Variants in ATP11A observed in about 807,000 individuals in gnomAD.
ATP11A encodes the protein phospholipid-transporting ATPase IH.
Under a neutral mutation model 154.4 loss-of-function variants are expected in ATP11A, and 81 were observed. The ratio of observed to expected loss-of-function variants is 0.52; its 90% CI spans 0.44 to 0.63. ATP11A has a LOEUF of 0.63. Among genes scored for constraint, ATP11A ranks in the 30% least tolerant of loss-of-function variants. ATP11A has a pLI of 0.00. For missense variants in ATP11A, 1,316 were observed against 1,474.3 expected (o/e 0.89, Z 1.76); for synonymous variants, 623 against 585.9 (o/e 1.06, Z -0.91).
intron 1 of ATP11A, among the ~76,000 whole-genome samples, chr13:112,693,953 A>C (rs2139446256): frequency 6.6e-6 from 1 of 152,336 alleles, no homozygotes; most frequent in South Asian, 2.1e-4. Context: ...ACTCGTCTCA[A>C]AATAAATAAG....
At chr13:112,756,179 C>A (rs9604421) in intron 1 of ATP11A, among the ~76,000 whole-genome samples, 3 of 151,970 alleles carry the variant, frequency 2.0e-5, no homozygotes, top group African/African-American at 7.3e-5. Context: ...AACTACAAAG[C>A]CAAAACCAAA....
chr13:112,831,717 A>G (rs926915567), intron 13 of ATP11A, among the ~76,000 whole-genome samples, 169 bp downstream of exon 13: 9 of 152,254 alleles, frequency 5.9e-5, no homozygotes, highest in African/African-American at 2.2e-4. Context: ...GTTAGGACAC[A>G]TCTGCTCAGT....
At chr13:112,803,876 T>TTCCTTCCC (rs1358955287) in intron 2 of ATP11A, among the ~76,000 whole-genome samples, 10 of 67,844 alleles carry the variant, frequency 1.5e-4, no homozygotes, top group Non-Finnish European at 2.4e-4. Flanking sequence ...CTTGCTTCCC[T>TTCCTTCCC]TCCTTCCCTC....
At position 112,842,369 on chromosome 13, in the gene ATP11A, G is replaced by C; in HGVS notation, c.1799G>C (p.Arg600Pro). 1 of 1,604,282 alleles carries C rather than the reference G, an allele frequency of 6.2e-7. No individual in the cohort carries two copies. Among genetic ancestry groups the C allele is most frequent in the Non-Finnish European group, 8.5e-7 (1 of 1,174,824 alleles). Residue 600 changes from arginine to proline, a missense_variant, in exon 17 of 30, where the codon CGT (arginine) becomes CCT (proline). Physicochemically the swap from Arg to Pro is moderately radical, Grantham distance 103. Transcript: ENST00000375645. ...KVDQIRARVERNAVEGLRTLC... is the reference protein window; with the variant it reads ...KVDQIRARVEPNAVEGLRTLC... ...GACCAGATCCGAGCCAGAGTGGAGCGTAACGCAGTGGTGAGAGCCGGGCTG... is the reference window on the plus strand; with the variant it reads ...GACCAGATCCGAGCCAGAGTGGAGCCTAACGCAGTGGTGAGAGCCGGGCTG...
chr13:112,714,457 C>G (rs1888196339), intron 1 of ATP11A, among the ~76,000 whole-genome samples: 1 of 152,136 alleles, frequency 6.6e-6, no homozygotes, highest in African/African-American at 2.4e-5. Flanking sequence ...ACAGCCCTTC[C>G]CCTTCCCTTT....
chr13:112,819,493 T>C, intron 7 of ATP11A, 86 bp downstream of exon 7: 1 of 1,131,828 alleles, frequency 8.8e-7, no homozygotes, highest in Non-Finnish European at 1.3e-6. Context: ...AGTCCAGCCA[T>C]GTGGTGGTTT....
chr13:112,839,743 G>A (rs2079342030), intron 16 of ATP11A, among the ~76,000 whole-genome samples: 1 of 152,174 alleles, frequency 6.6e-6, no homozygotes, highest in African/African-American at 2.4e-5. Flanking sequence ...GGCTGAAGGT[G>A]TCCTGTGTCT....
At chr13:112,852,388 G>A (rs1039422890) in intron 18 of ATP11A, among the ~76,000 whole-genome samples, 9 of 152,208 alleles carry the variant, frequency 5.9e-5, no homozygotes, top group Admixed American at 1.3e-4. Flanking sequence ...AGTATTAGGC[G>A]AAGTGGGAAG....
At chr13:112,714,324 G>T (rs993697184) in intron 1 of ATP11A, among the ~76,000 whole-genome samples, 2 of 152,012 alleles carry the variant, frequency 1.3e-5, no homozygotes, top group African/African-American at 4.8e-5. Context: ...CTGGTCTGGG[G>T]TGTTCCGCTG....
At chr13:112,752,811 T>C (rs2076726536) in intron 1 of ATP11A, among the ~76,000 whole-genome samples, 1 of 152,166 alleles carries the variant, frequency 6.6e-6, no homozygotes, top group Non-Finnish European at 1.5e-5. Flanking sequence ...CTAAAGAGAA[T>C]GTAGTTGTCA....
rs1418700899 is a variant in ATP11A, at chr13:112,867,263, T to C, written c.2992-4472T>C. 3.9e-5 allele frequency among the ~76,000 whole-genome samples: 6 copies of C among 152,364 alleles called. No homozygotes were observed. In the East Asian group the frequency reaches 9.6e-4, roughly 24 times the overall value. On this transcript the variant is annotated intron_variant, in intron 25 of 29. Coordinates refer to ENST00000375645, the MANE Select transcript of ATP11A (RefSeq NM_015205.3). ...TGAGGAAAGAGAAGTTCGGACAGACTAGACACCCTGTGCGGTGTCAGCTCC... is the reference window on the plus strand; with the variant it reads ...TGAGGAAAGAGAAGTTCGGACAGACCAGACACCCTGTGCGGTGTCAGCTCC...
In ATP11A at chr13:112,872,885, C is replaced by T. The variant is rs61961592; in HGVS notation, c.3058-688C>T. Among the ~76,000 whole-genome samples, 789 of 79,876 alleles carry T rather than the reference C, an allele frequency of 9.9e-3. 127 individuals carry two copies. The highest frequency in any genetic ancestry group is 0.037 in the African/African-American group (770 of 20,962). 52.4% of individuals were successfully genotyped at this position (79,876 alleles called of 152,430 possible). On this transcript the variant is annotated intron_variant, in intron 26 of 29. Transcript: ENST00000375645. The stretch of plus-strand genomic sequence containing the variant: ...CAGTGTGAGCTGTGGCTTTGTCTCC[C>T]GAACGGTGTGAGGTGTGGCTTTGTC...
At chr13:112,820,510 G>A (rs2078770393) in intron 8 of ATP11A, among the ~76,000 whole-genome samples, 3 of 152,128 alleles carry the variant, frequency 2.0e-5, no homozygotes, top group Admixed American at 6.5e-5. Context: ...TGGACCCAGC[G>A]GCAGTCACAT....
At position 112,785,311 on chromosome 13, in the gene ATP11A, G is replaced by T. The variant is rs546993460; in HGVS notation, c.162+54G>T. ...AATGTGTCTAAAAAGCAGCTGCCGG[G>T]GGGTGTTAGTGCTTCTCGGTTTCAA... On this transcript the variant is annotated intron_variant, in intron 2 of 29. Coordinates refer to ENST00000375645, the MANE Select transcript of ATP11A (RefSeq NM_015205.3). This position sits in a 1 kb window ranked among gnomAD's most constrained non-coding sequence, Gnocchi z 4.8. 58 of 1,378,302 alleles carry T rather than the reference G, an allele frequency of 4.2e-5. No homozygotes were observed. The highest frequency in any genetic ancestry group is 4.2e-4 in the African/African-American group (28 of 66,914). The allele number at this position is 1,378,302 out of a possible 1,614,324, so 85.4% of individuals were successfully genotyped here.
chr13:112,867,350 T>C (rs992431209), intron 25 of ATP11A, among the ~76,000 whole-genome samples: 2 of 152,214 alleles, frequency 1.3e-5, no homozygotes, highest in African/African-American at 2.4e-5. Flanking sequence ...TGTTGCCCAG[T>C]GCGGCCTCTG....
chr13:112,811,231 C>G (rs2078491418), intron 5 of ATP11A, among the ~76,000 whole-genome samples: 1 of 150,438 alleles, frequency 6.6e-6, no homozygotes, highest in African/African-American at 2.5e-5. Context: ...GCATCCCACA[C>G]CAGGATTGGT....
chr13:112,794,338 C>T lies in ATP11A; in HGVS notation c.162+9081C>T, dbSNP rs190792225. 3.9e-5 allele frequency among the ~76,000 whole-genome samples: 6 copies of T among 152,302 alleles called. No individual in the cohort carries two copies. In the South Asian group the frequency reaches 6.2e-4, roughly 16 times the overall value. Reference sequence around the variant, plus strand: ...ACCATTGTCAGCCTTCCCACTCTAACGTGTGGAATAAAATGCTCATTTCAG... The same window carrying T: ...ACCATTGTCAGCCTTCCCACTCTAATGTGTGGAATAAAATGCTCATTTCAG... On this transcript the variant is annotated intron_variant, in intron 2 of 29. Coordinates refer to ENST00000375645, the MANE Select transcript of ATP11A (RefSeq NM_015205.3).
chr13:112,862,919 C>A (rs1472409560), intron 25 of ATP11A, among the ~76,000 whole-genome samples: 24 of 145,822 alleles, frequency 1.6e-4, no homozygotes, highest in Admixed American at 1.4e-3. Flanking sequence ...CCATCACCAC[C>A]TGCGCAGTAA....
At chr13:112,869,340 G>T (rs1392166454) in intron 25 of ATP11A, among the ~76,000 whole-genome samples, 1 of 152,226 alleles carries the variant, frequency 6.6e-6, no homozygotes, top group Admixed American at 6.5e-5. Flanking sequence ...CATGTGCTCT[G>T]CAGGACCAGG....
Sources: gnomAD v4.1 joint callset for allele counts (sites outside exome capture counted in the v4.1 genomes callset) on GRCh38, gnomAD v4.1.1 for gene constraint, Gnocchi (gnomAD v3.1) non-coding constraint, MANE v1.5 for transcripts, NCBI Gene and HGNC (gene_info 2026-07-23, HGNC 2026-07-21) for gene names.